PDE7B: variants seen among roughly 807,000 people sequenced by gnomAD.
PDE7B encodes 3',5'-cyclic-AMP phosphodiesterase 7B.
A neutral mutation model predicts 56.2 loss-of-function variants in PDE7B; 29 were observed. The ratio of observed to expected loss-of-function variants is 0.52; its 90% confidence interval spans 0.38 to 0.70. PDE7B has a LOEUF of 0.70. PDE7B is among the 30% of genes least tolerant of loss of function. The pLI is 0.00. For missense variants in PDE7B, 490 were observed against 565.0 expected (o/e 0.87, Z 1.35); for synonymous variants, 197 against 196.9 (o/e 1.00, Z 0.00).
chr6:135,861,468 A>C (rs1200500106), intron 1 of PDE7B, among the ~76,000 whole-genome samples: 1 of 150,550 alleles, frequency 6.6e-6, no homozygotes, highest in African/African-American at 2.4e-5. Flanking sequence ...TTTTTTGTCA[A>C]GTCTCTGATC....
At chr6:136,053,314 T>C (rs1211301471) in intron 2 of PDE7B, among the ~76,000 whole-genome samples, 3 of 150,088 alleles carry the variant, frequency 2.0e-5, no homozygotes, top group Non-Finnish European at 4.4e-5. Flanking sequence ...CGGTGTTTGG[T>C]TTTTTGTCCT....
chr6:136,145,385 T>A (rs539942717), intron 3 of PDE7B, among the ~76,000 whole-genome samples: 1 of 152,270 alleles, frequency 6.6e-6, no homozygotes, highest in Non-Finnish European at 1.5e-5. Context: ...TTCTCTAGTA[T>A]AACAAGGTGC....
intron 8 of PDE7B, among the ~76,000 whole-genome samples, chr6:136,171,215 T>C (rs11154855): frequency 0.088 from 13,368 of 152,130 alleles, 1,791 homozygotes; most frequent in African/African-American, 0.29. Context: ...AAGGGAGAGA[T>C]TGAATATAAC....
At position 136,191,941 on chromosome 6, in the gene PDE7B, T is replaced by G. The variant is rs1779236143; in HGVS notation, c.*101T>G. On this transcript the variant is annotated 3_prime_UTR_variant, in exon 13 of 13. Transcript: ENST00000308191. The stretch of plus-strand genomic sequence containing the variant: ...CGCAGCAGCCCAGCCACTTTCTGAG[T>G]GTTGTCCTGGGGCTCTTTGGAACGC... 1 of 875,702 alleles carries G rather than the reference T, an allele frequency of 1.1e-6. No homozygotes were observed. The highest frequency in any genetic ancestry group is 1.8e-6 in the Non-Finnish European group (1 of 567,632). 54.2% of individuals were successfully genotyped at this position (875,702 alleles called of 1,614,324 possible).
rs567944506 is a variant in PDE7B, at chr6:136,030,163, G to C, written c.83-78568G>C. Among the ~76,000 whole-genome samples the C allele has an allele frequency of 6.6e-5, 10 of 152,202 alleles. 1 individual carries two copies. The East Asian group carries it at 1.9e-3, about 29-fold the overall frequency. ...TTAGAAAGAATCAGGAAAGACAATG[G>C]AAAAAATAACACAGTGAACTGTGTT... is the stretch of plus-strand genomic sequence containing the variant. On this transcript the variant is annotated intron_variant, in intron 2 of 12. Coordinates refer to ENST00000308191, the MANE Select transcript of PDE7B (RefSeq NM_018945.4).
chr6:135,902,721 A>G (rs1304593656), intron 1 of PDE7B, among the ~76,000 whole-genome samples: 1 of 152,214 alleles, frequency 6.6e-6, no homozygotes, highest in Non-Finnish European at 1.5e-5. Flanking sequence ...ATTTTAAAGG[A>G]CTTACCTGAC....
intron 2 of PDE7B, among the ~76,000 whole-genome samples, chr6:136,067,783 A>C (rs1442911199): frequency 1.3e-5 from 2 of 152,100 alleles, no homozygotes; most frequent in African/African-American, 2.4e-5. Context: ...TTGTTTTTTC[A>C]ACACCTTGTG....
At chr6:136,072,601 C>T (rs975131489) in intron 2 of PDE7B, 1 of 152,176 alleles carries the variant, frequency 6.6e-6, no homozygotes, top group African/African-American at 2.4e-5. Context: ...TCTGAAGAGA[C>T]CGTGGCCACC....
intron 1 of PDE7B, among the ~76,000 whole-genome samples, chr6:135,867,000 C>T (rs1775273727): frequency 2.0e-5 from 3 of 152,096 alleles, no homozygotes; most frequent in African/African-American, 7.2e-5. Flanking sequence ...TTGTGTTTTC[C>T]TAATACTTTA....
intron 1 of PDE7B, among the ~76,000 whole-genome samples, chr6:135,867,760 A>G (rs1183974280): frequency 6.6e-6 from 1 of 152,246 alleles, no homozygotes; most frequent in Non-Finnish European, 1.5e-5. Context: ...GTGTTACTCC[A>G]TGAATTTTCT....
chr6:135,999,920 C>CAT (rs896640884), intron 2 of PDE7B, among the ~76,000 whole-genome samples: 2 of 152,158 alleles, frequency 1.3e-5, no homozygotes, highest in African/African-American at 4.8e-5. Flanking sequence ...ACCTCACCAG[C>CAT]ATATGTTATT....
intron 8 of PDE7B, among the ~76,000 whole-genome samples, chr6:136,164,759 T>C (rs1345905020): frequency 6.6e-6 from 1 of 152,142 alleles, no homozygotes; most frequent in Non-Finnish European, 1.5e-5. Flanking sequence ...TATATTACAT[T>C]AAAATAAAAA....
intron 2 of PDE7B, among the ~76,000 whole-genome samples, chr6:136,095,274 C>T (rs1777454763): frequency 6.6e-6 from 1 of 151,806 alleles, no homozygotes; most frequent in Non-Finnish European, 1.5e-5. Context: ...ATAACAGTAT[C>T]AATAATATGA....
At chr6:135,965,073 G>A (rs541712117) in intron 2 of PDE7B, among the ~76,000 whole-genome samples, 2 of 152,310 alleles carry the variant, frequency 1.3e-5, no homozygotes, top group East Asian at 3.9e-4. Flanking sequence ...CCTGGGAGGT[G>A]GAGGTTGCAG....
chr6:136,190,151 AATT>A (rs1158156203), intron 12 of PDE7B, among the ~76,000 whole-genome samples: 1 of 152,208 alleles, frequency 6.6e-6, no homozygotes, highest in African/African-American at 2.4e-5. Flanking sequence ...TGATATTAGA[AATT>A]AAATATGGAG....
intron 2 of PDE7B, among the ~76,000 whole-genome samples, chr6:136,007,430 G>A (rs1775807679): frequency 6.6e-6 from 1 of 152,122 alleles, no homozygotes; most frequent in Non-Finnish European, 1.5e-5. Flanking sequence ...CATAGAATGA[G>A]TTAGGGAAGA....
rs1247139593 is a variant in PDE7B, at chr6:135,963,326, T to G, written c.82+15802T>G. Among the ~76,000 whole-genome samples, 6 of 152,210 alleles carry G rather than the reference T, an allele frequency of 3.9e-5. No homozygotes were observed. The East Asian group carries it at 1.2e-3, about 29-fold the overall frequency. On this transcript the variant is annotated intron_variant, in intron 2 of 12. Coordinates refer to ENST00000308191, the MANE Select transcript of PDE7B (RefSeq NM_018945.4). ...TCTATTTTCTTCCTTTCTTCTCAAA[T>G]TGGACCCAAAAGGCATAGTTTTGTC...
chr6:135,903,807 G>T (rs1776048209), intron 1 of PDE7B, among the ~76,000 whole-genome samples: 1 of 152,154 alleles, frequency 6.6e-6, no homozygotes, highest in African/African-American at 2.4e-5. Flanking sequence ...GCATGAACTT[G>T]CATAGCTTTT....
At chr6:136,042,388 A>G (rs1263318518) in intron 2 of PDE7B, among the ~76,000 whole-genome samples, 1 of 152,238 alleles carries the variant, frequency 6.6e-6, no homozygotes, top group East Asian at 1.9e-4. Context: ...AAATAATTAG[A>G]TTTTGGAATT....
Sources: allele counts gnomAD v4.1 joint callset (sites outside exome capture counted in the v4.1 genomes callset), GRCh38; gene constraint gnomAD v4.1.1; transcripts MANE v1.5; gene names NCBI Gene and HGNC (gene_info 2026-07-23, HGNC 2026-07-21).